Variants in RYR3 observed in about 807,000 individuals in gnomAD.
The protein encoded by RYR3 is ryanodine receptor 3, also known as brain ryanodine receptor-calcium release channel.
RYR3 carries 207 observed loss-of-function variants against 584.3 expected under a neutral mutation model. That is an observed-to-expected ratio of 0.35 (90% CI 0.32 to 0.40). The LOEUF is 0.40. Ranked by LOEUF, RYR3 falls within the 10% of genes least tolerant of loss-of-function variation. The pLI is 1.00. For synonymous variants in RYR3, 2,416 were observed against 2,248.5 expected (o/e 1.07, Z -2.11); for missense variants, 5,616 against 6,089.2 (o/e 0.92, Z 2.59).
intron 73 of RYR3, 35 bp from the exon 74 acceptor site, chr15:33,813,432 C>G: frequency 6.4e-7 from 1 of 1,560,572 alleles, no homozygotes; most frequent in East Asian, 2.2e-5. Context: ...AGAAGATCAG[C>G]CTAATGTGCA....
At position 33,548,118 on chromosome 15, in the gene RYR3, C is replaced by T; in HGVS notation, c.741-12C>T. 2 of 1,606,804 alleles carry T rather than the reference C, an allele frequency of 1.2e-6. No homozygotes were observed. Among genetic ancestry groups the T allele is most frequent in the Non-Finnish European group, 1.7e-6 (2 of 1,174,938 alleles). ...CATGCAAGTAGGAGCTGATCTCCAA[C>T]TCTGCTCACAGGAGGATATTCTACG... On this transcript the variant is annotated splice_polypyrimidine_tract_variant and intron_variant, in intron 8 of 103. Transcript: ENST00000634891.
At chr15:33,563,046 C>T (rs778247407) in intron 11 of RYR3, 36 bp downstream of exon 11, 6 of 1,562,174 alleles carry the variant, frequency 3.8e-6, no homozygotes, top group African/African-American at 1.4e-5. Flanking sequence ...ATTGTTTTAC[C>T]CTGAGTTGGA....
chr15:33,361,320 A>C (rs1297915403), intron 1 of RYR3, among the ~76,000 whole-genome samples: 1 of 152,240 alleles, frequency 6.6e-6, no homozygotes, highest in Non-Finnish European at 1.5e-5. Flanking sequence ...AGCAGATTAC[A>C]GCTTAATTGA....
At position 33,821,325 on chromosome 15, in the gene RYR3, G is replaced by T; in HGVS notation, c.10871G>T (p.Arg3624Leu). The T allele has an allele frequency of 1.2e-6, 2 of 1,604,980 alleles. No homozygotes were observed. The highest frequency in any genetic ancestry group is 1.7e-6 in the Non-Finnish European group (2 of 1,175,826). ...TATCAGCAAGCTCGGCTGCATGAGCGTGGTGCTGCAGAGATGGTCCTTCAG... is the reference window on the plus strand; with the variant it reads ...TATCAGCAAGCTCGGCTGCATGAGCTTGGTGCTGCAGAGATGGTCCTTCAG... ...TLYQQARLHE[R>L]GAAEMVLQMI... is the part of the protein sequence containing the mutation. Residue 3624 changes from arginine to leucine, a missense_variant, in exon 79 of 104, where the codon CGT (arginine) becomes CTT (leucine). Arg to Leu is a moderately radical substitution (Grantham distance 102). Around this residue, in one of 9 missense-constraint regions of RYR3, gnomAD observed 954 missense variants for 1,132.2 expected, o/e 0.84. Transcript: ENST00000634891.
intron 1 of RYR3, among the ~76,000 whole-genome samples, chr15:33,340,485 G>T (rs1971687764): frequency 6.6e-6 from 1 of 152,194 alleles, no homozygotes; most frequent in Non-Finnish European, 1.5e-5. Flanking sequence ...TAGACTGGGT[G>T]GCTTAAACAG....
intron 38 of RYR3, among the ~76,000 whole-genome samples, chr15:33,688,247 C>T (rs2065157950): frequency 6.6e-6 from 1 of 152,002 alleles, no homozygotes; most frequent in Non-Finnish European, 1.5e-5. Flanking sequence ...AAAAAATGGG[C>T]AAAGGATATG....
chr15:33,771,983 T>C lies in RYR3; in HGVS notation c.8880T>C (p.Ala2960=). The part of the protein sequence containing the change: ...KAGLRAFFEN[A]AEDLEKTSEN... ...GGTTACGAGCATTCTTTGAAAATGC[T>C]GCAGAAGATTTGGAGAAGACTTCAG... The change falls in exon 63 of 104, where the codon GCT becomes GCC. Residue 2960 remains alanine, a synonymous_variant. Transcript: ENST00000634891. 6.2e-7 allele frequency: 1 copy of C among 1,613,726 alleles called. No individual in the cohort carries two copies. Among genetic ancestry groups the C allele is most frequent in the South Asian group, 1.1e-5 (1 of 90,914 alleles).
intron 1 of RYR3, among the ~76,000 whole-genome samples, chr15:33,462,095 A>G (rs2048085719): frequency 6.6e-6 from 1 of 152,226 alleles, no homozygotes; most frequent in Non-Finnish European, 1.5e-5. Flanking sequence ...AATTTTGGAA[A>G]CACTTATTTT....
intron 6 of RYR3, 145 bp downstream of exon 6, chr15:33,539,607 T>TCAGCATCCCTAACCCC: frequency 2.1e-6 from 1 of 481,526 alleles, no homozygotes; most frequent in Non-Finnish European, 3.7e-6. Flanking sequence ...AATGTAGGGG[T>TCAGCATCCCTAACCCC]TAGGGATGCT....
chr15:33,725,139 T>C (rs2068252870), intron 45 of RYR3, among the ~76,000 whole-genome samples: 1 of 134,826 alleles, frequency 7.4e-6, no homozygotes, highest in Admixed American at 7.5e-5. Flanking sequence ...TTACTGCCTC[T>C]CTGCTCCAAC....
chr15:33,529,829 A>G (rs143455929), intron 3 of RYR3, among the ~76,000 whole-genome samples: 126 of 152,306 alleles, frequency 8.3e-4, no homozygotes, highest in Non-Finnish European at 1.6e-3. Flanking sequence ...GTCTCCTATC[A>G]TGTACCATTC....
chr15:33,797,612 T>C (rs1415806430), intron 67 of RYR3, among the ~76,000 whole-genome samples: 1 of 151,798 alleles, frequency 6.6e-6, no homozygotes, highest in Non-Finnish European at 1.5e-5. Flanking sequence ...CAAAGAAAAA[T>C]ATGTTCAGCT....
intron 64 of RYR3, among the ~76,000 whole-genome samples, chr15:33,776,644 C>T (rs2152895624): frequency 6.6e-6 from 1 of 152,310 alleles, no homozygotes; most frequent in East Asian, 1.9e-4. Context: ...CTGCCCTGTC[C>T]CCACTGTGCT....
intron 2 of RYR3, among the ~76,000 whole-genome samples, chr15:33,487,646 A>C (rs1005136644): frequency 2.6e-5 from 4 of 152,206 alleles, no homozygotes; most frequent in Non-Finnish European, 4.4e-5. Flanking sequence ...TATGGGGACC[A>C]TGGTGGGCAC....
intron 42 of RYR3, among the ~76,000 whole-genome samples, chr15:33,702,056 C>G (rs2066345121): frequency 6.6e-6 from 1 of 152,156 alleles, no homozygotes; most frequent in Non-Finnish European, 1.5e-5. Context: ...TCACGTGACC[C>G]TCAGACCAAG....
At position 33,517,916 on chromosome 15, in the gene RYR3, A is replaced by G. The variant is rs563713878; in HGVS notation, c.280-12676A>G. 2.6e-5 allele frequency among the ~76,000 whole-genome samples: 4 copies of G among 152,288 alleles called. No homozygotes were observed. The East Asian group carries it at 7.7e-4, about 29-fold the overall frequency. On this transcript the variant is annotated intron_variant, in intron 3 of 103. Coordinates refer to ENST00000634891, the MANE Select transcript of RYR3 (RefSeq NM_001036.6). ...TTTAATAATAGAATGAGACTTTATTATTTTTATGAGGAACATGGCACTTAT... is the reference window on the plus strand; with the variant it reads ...TTTAATAATAGAATGAGACTTTATTGTTTTTATGAGGAACATGGCACTTAT...
In RYR3 at chr15:33,789,331, A is replaced by C. The variant is rs568440761; in HGVS notation, c.9830+873A>C. On this transcript the variant is annotated intron_variant, in intron 67 of 103. Transcript: ENST00000634891. ...ATGTGATCTGATTCACTCTTTGAGC[A>C]CTGTAGCAAGAGGTGGAGGCAGCAG... Among the ~76,000 whole-genome samples the C allele has an allele frequency of 8.6e-5, 13 of 152,024 alleles. No homozygotes were observed. In the East Asian group the frequency reaches 2.5e-3, roughly 30 times the overall value.
intron 1 of RYR3, among the ~76,000 whole-genome samples, chr15:33,381,566 TG>T (rs896732922): frequency 6.6e-6 from 1 of 152,212 alleles, no homozygotes; most frequent in African/African-American, 2.4e-5. Flanking sequence ...GCCTTCTTCC[TG>T]CCCTGACCAC....
chr15:33,313,527 C>A (rs1381335286), intron 1 of RYR3, among the ~76,000 whole-genome samples: 2 of 152,142 alleles, frequency 1.3e-5, no homozygotes, highest in African/African-American at 2.4e-5. Flanking sequence ...GTTGGGAACA[C>A]CAGGCTTGTG....
Sources: gnomAD v4.1 joint callset for allele counts (sites outside exome capture counted in the v4.1 genomes callset) on GRCh38, gnomAD v4.1.1 for gene constraint, gnomAD v4.1.1 regional missense constraint, MANE v1.5 for transcripts, NCBI Gene and HGNC (gene_info 2026-07-23, HGNC 2026-07-21) for gene names.